Variants in NPFFR2 observed in about 807,000 individuals in gnomAD.
NPFFR2 encodes the protein neuropeptide FF receptor 2, also known as G-protein coupled receptor 74.
In NPFFR2, 15 loss-of-function variants were observed where a neutral mutation model predicts 13.1. That is an observed-to-expected ratio of 1.15 (90% CI 0.77 to 1.76). The LOEUF is 1.76. Among genes scored for constraint, NPFFR2 ranks in the 40% most tolerant of loss-of-function variants. The pLI is 0.00. For missense variants in NPFFR2, 572 were observed against 503.5 expected (o/e 1.14, Z -1.30); for synonymous variants, 190 against 175.7 (o/e 1.08, Z -0.65).
intron 2 of NPFFR2, 53 bp from the exon 3 acceptor site, chr4:72,137,986 CA>C: frequency 7.4e-7 from 1 of 1,350,040 alleles, no homozygotes; most frequent in South Asian, 1.2e-5. Context: ...TTTTCATTTT[CA>C]GTGAGATTTT....
At chr4:72,110,184 A>G (rs115065366) in intron 1 of NPFFR2, among the ~76,000 whole-genome samples, 3,882 of 152,002 alleles carry the variant, frequency 0.026, 183 homozygotes, top group African/African-American at 0.087. Flanking sequence ...CATGATAGAG[A>G]GTACTCATGA....
intron 1 of NPFFR2, among the ~76,000 whole-genome samples, chr4:72,054,753 A>C (rs1719693412): frequency 6.6e-6 from 1 of 151,808 alleles, no homozygotes. Flanking sequence ...AAAGTACTTT[A>C]TCCAGAAGAT....
At chr4:72,099,916 A>T (rs1721191616) in intron 1 of NPFFR2, among the ~76,000 whole-genome samples, 1 of 152,134 alleles carries the variant, frequency 6.6e-6, no homozygotes, top group Non-Finnish European at 1.5e-5. Context: ...ACACATATAC[A>T]TAAATATCAG....
intron 1 of NPFFR2, among the ~76,000 whole-genome samples, chr4:72,042,634 G>A (rs1245681685): frequency 2.6e-5 from 4 of 152,124 alleles, no homozygotes; most frequent in African/African-American, 9.7e-5. Context: ...GGGAACTGGA[G>A]CAAAGGTAAC....
intron 1 of NPFFR2, among the ~76,000 whole-genome samples, chr4:72,077,687 TC>T (rs1464228368): frequency 2.0e-5 from 3 of 152,128 alleles, no homozygotes; most frequent in African/African-American, 7.2e-5. Flanking sequence ...AATAAGAGCT[TC>T]ATCAGAAACT....
At chr4:72,046,318 G>A (rs1719380904) in intron 1 of NPFFR2, among the ~76,000 whole-genome samples, 8 of 152,114 alleles carry the variant, frequency 5.3e-5, no homozygotes, top group Admixed American at 5.2e-4. Flanking sequence ...ATTAGGTCAT[G>A]GGAGTTTCAC....
At chr4:72,101,998 CA>C (rs1721264344) in intron 1 of NPFFR2, among the ~76,000 whole-genome samples, 1 of 152,082 alleles carries the variant, frequency 6.6e-6, no homozygotes, top group Admixed American at 6.6e-5. Flanking sequence ...CATAGCTTAT[CA>C]TATGGAAATA....
At chr4:72,133,689 G>C (rs368045293) in intron 2 of NPFFR2, among the ~76,000 whole-genome samples, 1 of 152,102 alleles carries the variant, frequency 6.6e-6, no homozygotes, top group African/African-American at 2.4e-5. Flanking sequence ...TCTTTGAACA[G>C]TGTTTTGTAG....
intron 1 of NPFFR2, among the ~76,000 whole-genome samples, chr4:72,092,098 T>C (rs762961607): frequency 6.6e-6 from 1 of 152,118 alleles, no homozygotes; most frequent in Non-Finnish European, 1.5e-5. Context: ...GCTGACTCAG[T>C]GACCATTCAG....
intron 1 of NPFFR2, among the ~76,000 whole-genome samples, chr4:72,116,639 C>T (rs981182268): frequency 1.3e-5 from 2 of 152,094 alleles, no homozygotes; most frequent in African/African-American, 4.8e-5. Context: ...ACTTCACTGA[C>T]ACTATAAAAT....
intron 1 of NPFFR2, among the ~76,000 whole-genome samples, chr4:72,046,393 A>T (rs1317849734): frequency 6.6e-6 from 1 of 152,178 alleles, no homozygotes; most frequent in Non-Finnish European, 1.5e-5. Context: ...TGGGCTCCTG[A>T]TAAAAAGATA....
At chr4:72,033,311 T>C (rs770793072) in intron 1 of NPFFR2, among the ~76,000 whole-genome samples, 4 of 152,188 alleles carry the variant, frequency 2.6e-5, no homozygotes, top group Non-Finnish European at 4.4e-5. Flanking sequence ...AGAGTTCAAT[T>C]AGAGTCTTTC....
intron 1 of NPFFR2, among the ~76,000 whole-genome samples, chr4:72,099,526 G>A (rs1488660718): frequency 6.6e-6 from 1 of 152,056 alleles, no homozygotes; most frequent in East Asian, 1.9e-4. Flanking sequence ...TACTCATGGT[G>A]GAAGGCAAAG....
At chr4:72,069,101 AG>A (rs1560401053) in intron 1 of NPFFR2, 1 of 477,094 alleles carries the variant, frequency 2.1e-6, no homozygotes, top group Non-Finnish European at 3.7e-6. Flanking sequence ...GATGAGGAAA[AG>A]ATAAGAATAG....
chr4:72,105,936 C>T lies in NPFFR2; in HGVS notation c.-7-22649C>T, dbSNP rs77171954. On this transcript the variant is annotated intron_variant, in intron 1 of 3. Transcript: ENST00000308744. ...CCCTGGTTTTAGTTTCAGCTAAAGC[C>T]CCAAGACTATTATTGAGACCACCAT... Among the ~76,000 whole-genome samples, 471 of 151,946 alleles carry T rather than the reference C, an allele frequency of 3.1e-3. 5 individuals are homozygous for T. Among genetic ancestry groups the T allele is most frequent in the African/African-American group, 0.011 (444 of 41,446 alleles).
At chr4:72,051,645 A>G (rs1255650125) in intron 1 of NPFFR2, among the ~76,000 whole-genome samples, 1 of 151,894 alleles carries the variant, frequency 6.6e-6, no homozygotes, top group Non-Finnish European at 1.5e-5. Context: ...AACTAAAATC[A>G]GAGCAGAACT....
intron 1 of NPFFR2, among the ~76,000 whole-genome samples, chr4:72,050,071 G>C (rs1276391745): frequency 6.6e-6 from 1 of 152,006 alleles, no homozygotes; most frequent in East Asian, 1.9e-4. Context: ...TTGAGGTTGA[G>C]TTAATCATTA....
chr4:72,092,980 T>C (rs1720956364), intron 1 of NPFFR2, among the ~76,000 whole-genome samples: 1 of 152,288 alleles, frequency 6.6e-6, no homozygotes, highest in South Asian at 2.1e-4. Flanking sequence ...TTGAGGATTG[T>C]TTCAAGATGG....
chr4:72,040,318 G>A (rs1293099994), intron 1 of NPFFR2, among the ~76,000 whole-genome samples: 3 of 151,938 alleles, frequency 2.0e-5, no homozygotes, highest in Non-Finnish European at 4.4e-5. Context: ...TTCAAGTGGA[G>A]TTTTAAAACA....
Sources: gnomAD v4.1 joint callset for allele counts (sites outside exome capture counted in the v4.1 genomes callset) on GRCh38, gnomAD v4.1.1 for gene constraint, MANE v1.5 for transcripts, NCBI Gene and HGNC (gene_info 2026-07-23, HGNC 2026-07-21) for gene names.